AGO1: variants seen among roughly 807,000 people sequenced by gnomAD.
AGO1 encodes the protein protein argonaute-1.
A neutral mutation model predicts 109.2 loss-of-function variants in AGO1; 11 were observed. That is an observed-to-expected ratio of 0.10 (90% confidence interval 0.06 to 0.17). The LOEUF is 0.17. AGO1 is among the 10% of genes least tolerant of loss of function. The pLI, the probability that AGO1 is intolerant of heterozygous loss-of-function variation, is 1.00. For missense variants in AGO1, 574 were observed against 1,140.3 expected (o/e 0.50, Z 7.15); for synonymous variants, 422 against 418.6 (o/e 1.01, Z -0.10).
intron 8 of AGO1, 49 bp downstream of exon 8, chr1:35,895,318 A>G (rs2148712373): frequency 4.5e-6 from 7 of 1,543,588 alleles, no homozygotes; most frequent in Non-Finnish European, 6.1e-6. Flanking sequence ...ATATACCTGC[A>G]TGCTGATCAT....
intron 1 of AGO1, among the ~76,000 whole-genome samples, chr1:35,886,352 A>G (rs1645120209): frequency 6.6e-6 from 1 of 152,082 alleles, no homozygotes; most frequent in African/African-American, 2.4e-5. Flanking sequence ...GGGGGATGTA[A>G]TGGGAGAGAG....
At chr1:35,890,293 G>A (rs1645194424) in intron 2 of AGO1, among the ~76,000 whole-genome samples, 1 of 152,176 alleles carries the variant, frequency 6.6e-6, no homozygotes, top group Non-Finnish European at 1.5e-5. Context: ...AAAGTGCTGG[G>A]ATTACAGGCA....
chr1:35,907,611 C>T lies in AGO1; in HGVS notation c.1582+492C>T, dbSNP rs545889296. ...TATAAATTTCTGTCACAGCACTTTTCTTTTATGCCATTTTCCGTCTCCATC... is the reference window on the plus strand; with the variant it reads ...TATAAATTTCTGTCACAGCACTTTTTTTTTATGCCATTTTCCGTCTCCATC... On this transcript the variant is annotated intron_variant, in intron 12 of 18. Transcript: ENST00000373204. 5.6e-4 allele frequency among the ~76,000 whole-genome samples: 86 copies of T among 152,224 alleles called. 1 individual carries two copies. The highest frequency in any genetic ancestry group is 3.4e-3 in the Middle Eastern group (1 of 294).
At chr1:35,917,499 T>C (rs1447836017) in intron 15 of AGO1, 94 bp from the exon 16 acceptor site, 5 of 1,401,358 alleles carry the variant, frequency 3.6e-6, no homozygotes, top group Middle Eastern at 1.9e-4. Flanking sequence ...CCAAAAGTTA[T>C]ATTACAAGTG....
At chr1:35,906,706 G>C (rs1645525835) in intron 11 of AGO1, among the ~76,000 whole-genome samples, 1 of 151,824 alleles carries the variant, frequency 6.6e-6, no homozygotes, top group Non-Finnish European at 1.5e-5. Context: ...TACTCAGGAG[G>C]CTGAGATGGG....
chr1:35,908,075 G>A lies in AGO1; in HGVS notation c.1582+956G>A, dbSNP rs370148349. ...GTTGAGGCTGCAGTTACCCAGCTTG[G>A]GTAACATAGTGAGACCTTGTCTCAA... is the stretch of plus-strand genomic sequence containing the variant. On this transcript the variant is annotated intron_variant, in intron 12 of 18. Transcript: ENST00000373204. Among the ~76,000 whole-genome samples, 19 of 152,220 alleles carry A rather than the reference G, an allele frequency of 1.2e-4. No individual in the cohort carries two copies. In the East Asian group the frequency reaches 1.5e-3, roughly 12 times the overall value.
At chr1:35,895,379 G>T in intron 8 of AGO1, 110 bp downstream of exon 8, 1 of 1,248,856 alleles carries the variant, frequency 8.0e-7, no homozygotes, top group South Asian at 1.6e-5. Flanking sequence ...ATTCTGAGAA[G>T]GTATGAGGTA....
Position 35,901,717 on chromosome 1 carries a change from G to C in AGO1, c.1140+124G>C. 6.8e-7 allele frequency: 1 copy of C among 1,468,058 alleles called. No individual in the cohort carries two copies. Among genetic ancestry groups the C allele is most frequent in the Non-Finnish European group, 9.2e-7 (1 of 1,082,568 alleles). 90.9% of individuals were successfully genotyped at this position (1,468,058 alleles called of 1,614,324 possible). A position where few individuals can be genotyped will look rare whatever the true frequency, so the allele number is the denominator to read the frequency against. On this transcript the variant is annotated intron_variant, in intron 9 of 18. Coordinates refer to ENST00000373204, the MANE Select transcript of AGO1 (RefSeq NM_012199.5). This position sits in a 1 kb window ranked among gnomAD's most constrained non-coding sequence, Gnocchi z 4.8. ...GATTTGTTGCCTAGGACTGTATAAG[G>C]CTGCTTTTGCTTCTTGACCGTATAG... is the stretch of plus-strand genomic sequence containing the variant.
chr1:35,919,653 C>T lies in AGO1; in HGVS notation c.*46C>T, dbSNP rs1217374400. 4.5e-6 allele frequency: 7 copies of T among 1,558,660 alleles called. No individual in the cohort carries two copies. The highest frequency in any genetic ancestry group is 2.3e-5 in the East Asian group (1 of 44,018). ...ACTGGATAGAAGAAAGCTTTCCAAG[C>T]CCCAGGAGCTGTGCCACCCAAATCC... On this transcript the variant is annotated 3_prime_UTR_variant, in exon 19 of 19. Transcript: ENST00000373204. This position sits in a 1 kb window ranked among gnomAD's most constrained non-coding sequence, Gnocchi z 6.6.
chr1:35,882,844 C>T (rs1402935077), upstream of AGO1: 3 of 985,250 alleles, frequency 3.0e-6, no homozygotes, highest in African/African-American at 5.2e-5. The surrounding 1 kb of genome is among the most constrained non-coding windows in gnomAD (Gnocchi z 5.1). Flanking sequence ...AGGCAGGGCC[C>T]CTGGGCGCTG....
At position 35,919,805 on chromosome 1, in the gene AGO1, A is replaced by G. The variant is rs1184496486; in HGVS notation, c.*198A>G. 22 of 573,660 alleles carry G rather than the reference A, an allele frequency of 3.8e-5. No individual in the cohort carries two copies. The East Asian group carries it at 5.2e-4, about 13-fold the overall frequency. 35.5% of individuals were successfully genotyped at this position (573,660 alleles called of 1,614,324 possible). A position where few individuals can be genotyped will look rare whatever the true frequency, so the allele number is the denominator to read the frequency against. ...AGACCACCAGCCAGAAATCTCTGAT[A>G]TCAACCTCATGTCCCCCACCCCTCA... On this transcript the variant is annotated 3_prime_UTR_variant, in exon 19 of 19. Transcript: ENST00000373204. This position sits in a 1 kb window ranked among gnomAD's most constrained non-coding sequence, Gnocchi z 6.6.
chr1:35,914,961 G>C (rs190761166), intron 14 of AGO1, among the ~76,000 whole-genome samples: 1 of 152,268 alleles, frequency 6.6e-6, no homozygotes, highest in East Asian at 1.9e-4. Flanking sequence ...ATTAGCATTT[G>C]AATGGGAAAA....
At chr1:35,908,298 A>C (rs1282348667) in intron 12 of AGO1, among the ~76,000 whole-genome samples, 2 of 151,950 alleles carry the variant, frequency 1.3e-5, no homozygotes, top group East Asian at 1.9e-4. Context: ...ATCTCTCCTT[A>C]TTATTTTTGT....
chr1:35,898,901 A>G (rs1645367551), intron 8 of AGO1, among the ~76,000 whole-genome samples: 1 of 152,228 alleles, frequency 6.6e-6, no homozygotes, highest in African/African-American at 2.4e-5. Flanking sequence ...TAAAATATAC[A>G]TAATGTAAAA....
Position 35,893,132 on chromosome 1 carries a change from G to A in AGO1, c.366G>A (p.Lys122=). 2 of 1,614,168 alleles carry A rather than the reference G, an allele frequency of 1.2e-6. No homozygotes were observed. Among genetic ancestry groups the A allele is most frequent in the South Asian group, 2.2e-5 (2 of 91,086 alleles). ...DFEVTIPGEG[K]DRIFKVSIKW... ...AGGTGACAATCCCTGGGGAAGGGAAGGATCGAATCTTTAAGGTCTCCATCA... is the reference window on the plus strand; with the variant it reads ...AGGTGACAATCCCTGGGGAAGGGAAAGATCGAATCTTTAAGGTCTCCATCA... Residue 122 remains lysine (K), a synonymous_variant, in exon 4 of 19, where the codon AAG becomes AAA. Coordinates refer to ENST00000373204, the MANE Select transcript of AGO1 (RefSeq NM_012199.5). This position sits in a 1 kb window ranked among gnomAD's most constrained non-coding sequence, Gnocchi z 5.6.
At chr1:35,879,734 CAAAAAAA>C (rs71034705), upstream of AGO1, among the ~76,000 whole-genome samples, 27 of 57,494 alleles carry the variant, frequency 4.7e-4, no homozygotes, top group East Asian at 2.9e-3. Context: ...GGTTCTGTCT[CAAAAAAA>C]AAAAAAAAAA....
At chr1:35,910,092 C>T (rs1271482129) in intron 12 of AGO1, among the ~76,000 whole-genome samples, 2 of 148,784 alleles carry the variant, frequency 1.3e-5, no homozygotes, top group Admixed American at 1.3e-4. Flanking sequence ...ACCACCTGGA[C>T]AATCTGACTG....
rs754610928 is a variant in AGO1, at chr1:35,883,380, TCA to T, written c.-39_-38del. The stretch of plus-strand genomic sequence containing the variant: ...GTACCTAGGCCCCTCACGCTGGACT[TCA>T]CAGTCTCCGGGCCGCCTGACCTCCG... On this transcript the variant is annotated 5_prime_UTR_variant, in exon 1 of 19. Coordinates refer to ENST00000373204, the MANE Select transcript of AGO1 (RefSeq NM_012199.5). The surrounding 1 kb of genome is among the most constrained non-coding windows in gnomAD (Gnocchi z 5.4). The T allele has an allele frequency of 1.3e-6, 2 of 1,584,190 alleles. No individual in the cohort carries two copies. Among genetic ancestry groups the T allele is most frequent in the Admixed American group, 1.8e-5 (1 of 56,760 alleles).
rs934150347 is a variant in AGO1 at position 35,927,860 on chromosome 1, GTTTTATA to G, written c.*8256_*8262del. 6.6e-6 allele frequency: 1 copy of G among 152,188 alleles called. No individual in the cohort carries two copies. The highest frequency in any genetic ancestry group is 2.4e-5 in the African/African-American group (1 of 41,428). The allele number at this position is 152,188 out of a possible 1,614,324, so 9.4% of individuals were successfully genotyped here. ...AGCTGTGTCTGTCCCTAAAGCCCAT[GTTTTATA>G]TTGTATCTTGCTAGAGTATAAAGTA... On this transcript the variant is annotated 3_prime_UTR_variant, in exon 19 of 19. Coordinates refer to ENST00000373204, the MANE Select transcript of AGO1 (RefSeq NM_012199.5).
Sources: allele counts gnomAD v4.1 joint callset (sites outside exome capture counted in the v4.1 genomes callset), GRCh38; gene constraint gnomAD v4.1.1; non-coding constraint Gnocchi (gnomAD v3.1); transcripts MANE v1.5; gene names NCBI Gene and HGNC (gene_info 2026-07-23, HGNC 2026-07-21).